SLC24A4: variants seen among roughly 807,000 people sequenced by gnomAD.
The protein encoded by SLC24A4 is solute carrier family 24 member 4, also known as sodium/potassium/calcium exchanger 4.
SLC24A4 carries 53 observed loss-of-function variants against 79.0 expected under a neutral mutation model. That is an observed-to-expected ratio of 0.67 (90% CI 0.54 to 0.84). The LOEUF is 0.84. Ranked by LOEUF, SLC24A4 falls within the 40% of genes least tolerant of loss-of-function variation. SLC24A4 has a pLI of 0.00. For missense variants in SLC24A4, 731 were observed against 822.0 expected, an observed-to-expected ratio of 0.89 and a Z score of 1.35; for synonymous variants, 323 against 323.8, an observed-to-expected ratio of 1.00 and a Z score of 0.03.
In SLC24A4 at chr14:92,456,473, A is replaced by C; in HGVS notation, c.1120A>C (p.Ile374Leu). The part of the protein sequence containing the change: ...KPLQNGRHEN[I>L]ENGNVPVENP... ...GCTTCAAAACGGGAGGCACGAGAAC[A>C]TTGAGAACGGGAATGTTCCTGTGGA... is the stretch of plus-strand genomic sequence containing the variant. The change falls in exon 12 of 17, where the codon ATT becomes CTT. Residue 374 changes from isoleucine to leucine, a missense_variant. Ile to Leu is a conservative substitution (Grantham distance 5). Coordinates refer to ENST00000532405, the MANE Select transcript of SLC24A4 (RefSeq NM_153646.4). The C allele has an allele frequency of 6.2e-7, 1 of 1,614,228 alleles. No homozygotes were observed. Among genetic ancestry groups the C allele is most frequent in the Non-Finnish European group, 8.5e-7 (1 of 1,180,048 alleles).
rs762087079 is a variant in SLC24A4, at chr14:92,495,507, C to T, written c.*1879C>T. ...GTAGATTCACCAGTATAAACTTCAGCTGCAGGGATTCCAGAGCCCTCGGGA... is the reference window on the plus strand; with the variant it reads ...GTAGATTCACCAGTATAAACTTCAGTTGCAGGGATTCCAGAGCCCTCGGGA... On this transcript the variant is annotated 3_prime_UTR_variant, in exon 17 of 17. Coordinates refer to ENST00000532405, the MANE Select transcript of SLC24A4 (RefSeq NM_153646.4). The T allele has an allele frequency of 1.2e-4, 18 of 152,240 alleles. No individual in the cohort carries two copies. The highest frequency in any genetic ancestry group is 3.9e-4 in the African/African-American group (16 of 41,540). 9.4% of individuals were successfully genotyped at this position (152,240 alleles called of 1,614,324 possible).
intron 12 of SLC24A4, among the ~76,000 whole-genome samples, chr14:92,471,302 C>T (rs1488585908): frequency 6.6e-6 from 1 of 152,180 alleles, no homozygotes; most frequent in Admixed American, 6.5e-5. Flanking sequence ...GCAGAAGGCT[C>T]ATACTACGGA....
intron 1 of SLC24A4, among the ~76,000 whole-genome samples, chr14:92,324,420 TC>T (rs1885004343): frequency 6.6e-6 from 1 of 152,192 alleles, no homozygotes; most frequent in Non-Finnish European, 1.5e-5. Flanking sequence ...TGTTTGTTCT[TC>T]CCAAACCCTA....
intron 12 of SLC24A4, among the ~76,000 whole-genome samples, chr14:92,463,022 T>G (rs188149838): frequency 3.9e-5 from 6 of 152,266 alleles, no homozygotes; most frequent in East Asian, 1.9e-4. Context: ...ATAATTTGTG[T>G]GTGTGTTGAG....
intron 7 of SLC24A4, among the ~76,000 whole-genome samples, chr14:92,443,818 A>G (rs567274806): frequency 5.0e-4 from 76 of 152,298 alleles, no homozygotes; most frequent in African/African-American, 1.7e-3. Flanking sequence ...GGGTAGAATC[A>G]TCGCAGAGCT....
intron 2 of SLC24A4, among the ~76,000 whole-genome samples, chr14:92,404,732 C>G (rs1366991257): frequency 6.6e-6 from 1 of 152,150 alleles, no homozygotes; most frequent in Non-Finnish European, 1.5e-5. Context: ...ATCTCAATGC[C>G]AACTTTACTT....
chr14:92,330,302 AAT>A (rs1885396121), intron 2 of SLC24A4, among the ~76,000 whole-genome samples: 1 of 152,234 alleles, frequency 6.6e-6, no homozygotes, highest in Non-Finnish European at 1.5e-5. Context: ...ACACTTATTT[AAT>A]AGAGCCATTT....
chr14:92,443,212 C>T (rs900014734), intron 6 of SLC24A4, among the ~76,000 whole-genome samples, 188 bp from the exon 7 acceptor site: 2 of 152,204 alleles, frequency 1.3e-5, no homozygotes, highest in Admixed American at 1.3e-4. Context: ...GGCAGCTTTG[C>T]CATGGCTTGA....
chr14:92,345,291 C>T (rs1886461496), intron 2 of SLC24A4, among the ~76,000 whole-genome samples: 1 of 152,188 alleles, frequency 6.6e-6, no homozygotes. Flanking sequence ...TGCTTACTGG[C>T]AGCAACCTGG....
intron 13 of SLC24A4, chr14:92,483,645 C>A: frequency 1.0e-6 from 1 of 987,316 alleles, no homozygotes; most frequent in Non-Finnish European, 1.4e-6. Context: ...CTGGGCTGGG[C>A]TGGGTCAGGC....
rs187471948 is a variant in SLC24A4 at position 92,364,695 on chromosome 14, C to T, written c.241+38717C>T. 1.7e-4 allele frequency among the ~76,000 whole-genome samples: 26 copies of T among 152,294 alleles called. No individual in the cohort carries two copies. The East Asian group carries it at 4.4e-3, about 26-fold the overall frequency. On this transcript the variant is annotated intron_variant, in intron 2 of 16. Coordinates refer to ENST00000532405, the MANE Select transcript of SLC24A4 (RefSeq NM_153646.4). ...TCATCCCTCATCTGTGCATGGCTGG[C>T]CCCTCTTCTTCCTTCAGGCCTCACC...
At chr14:92,475,210 A>T (rs1222301919) in intron 12 of SLC24A4, among the ~76,000 whole-genome samples, 1 of 152,176 alleles carries the variant, frequency 6.6e-6, no homozygotes, top group East Asian at 1.9e-4. Context: ...GATTTGAACC[A>T]GGTCAGATGC....
Position 92,437,148 on chromosome 14 carries a change from C to A in SLC24A4, c.319-2187C>A, listed in dbSNP as rs547386014. Among the ~76,000 whole-genome samples, 4 of 152,306 alleles carry A rather than the reference C, an allele frequency of 2.6e-5. No homozygotes were observed. In the South Asian group the frequency reaches 8.3e-4, roughly 32 times the overall value. On this transcript the variant is annotated intron_variant, in intron 3 of 16. Transcript: ENST00000532405. Reference sequence around the variant, plus strand: ...AAATGGCTTCCCCCAGTGCTTAGAGCAAAACCCATCTCTTTTTCCGTGGGT... The same window carrying A: ...AAATGGCTTCCCCCAGTGCTTAGAGAAAAACCCATCTCTTTTTCCGTGGGT...
intron 12 of SLC24A4, among the ~76,000 whole-genome samples, chr14:92,478,267 T>C (rs1292635897): frequency 3.9e-5 from 6 of 152,266 alleles, no homozygotes; most frequent in African/African-American, 1.4e-4. Context: ...TATTTTATAG[T>C]TGTAGCTCTT....
chr14:92,441,242 G>A lies in SLC24A4; in HGVS notation c.394-847G>A, dbSNP rs1314244011. ...AGGCCTTCTGAGAACCGCAGAGTGG[G>A]CGCCTCCAGATTGGTTTTCAGGCAG... On this transcript the variant is annotated intron_variant, in intron 4 of 16. Coordinates refer to ENST00000532405, the MANE Select transcript of SLC24A4 (RefSeq NM_153646.4). This position sits in a 1 kb window ranked among gnomAD's most constrained non-coding sequence, Gnocchi z 4.6. 6.6e-5 allele frequency among the ~76,000 whole-genome samples: 10 copies of A among 152,306 alleles called. No individual in the cohort carries two copies. The East Asian group carries it at 1.9e-3, about 29-fold the overall frequency.
chr14:92,424,567 A>C (rs1208691280), intron 2 of SLC24A4, among the ~76,000 whole-genome samples: 1 of 152,064 alleles, frequency 6.6e-6, no homozygotes, highest in Non-Finnish European at 1.5e-5. Flanking sequence ...TGCTCTGTTT[A>C]ACAATCAGCT....
At chr14:92,461,157 T>C (rs146135431) in intron 12 of SLC24A4, among the ~76,000 whole-genome samples, 1 of 152,322 alleles carries the variant, frequency 6.6e-6, no homozygotes, top group Middle Eastern at 3.4e-3. Flanking sequence ...TGGGGAATCT[T>C]GTGAGCCTGC....
chr14:92,325,949 CACAG>C lies in SLC24A4; in HGVS notation c.217_220del (p.Thr73ProfsTer43). On this transcript the variant is annotated frameshift_variant, in exon 2 of 17. Coordinates refer to ENST00000532405, the MANE Select transcript of SLC24A4 (RefSeq NM_153646.4). LOFTEE classifies it high-confidence loss of function. ...AAGTTGATGGCCCCAGTGAATGGGACACAGACAGCCAAGAACTGCACAGATCCTG... is the reference window on the plus strand; with the variant it reads ...AAGTTGATGGCCCCAGTGAATGGGACACAGCCAAGAACTGCACAGATCCTG... The C allele has an allele frequency of 6.2e-7, 1 of 1,612,046 alleles. No homozygotes were observed. The highest frequency in any genetic ancestry group is 1.3e-5 in the African/African-American group (1 of 74,998).
chr14:92,456,339 C>T (rs1566781811), intron 11 of SLC24A4, 65 bp from the exon 12 acceptor site: 14 of 1,554,418 alleles, frequency 9.0e-6, no homozygotes, highest in African/African-American at 1.4e-5. Flanking sequence ...AGGGACCCAG[C>T]GTATAGCAAT....
Sources: gnomAD v4.1 joint callset for allele counts (sites outside exome capture counted in the v4.1 genomes callset) on GRCh38, gnomAD v4.1.1 for gene constraint, Gnocchi (gnomAD v3.1) non-coding constraint, MANE v1.5 for transcripts, NCBI Gene and HGNC (gene_info 2026-07-23, HGNC 2026-07-21) for gene names.